The following CLXN variants were observed in gnomAD, a reference collection of about 807,000 sequenced individuals.
The protein encoded by CLXN is EF-hand calcium binding domain 1.
At chr8:48,722,239 C>G in the CLXN span, among the ~76,000 whole-genome samples, 3 of 152,148 alleles carry the variant, frequency 2.0e-5, no homozygotes, top group East Asian at 5.8e-4. Context: ...AATCAGATAT[C>G]CCCTCTTACA....
the CLXN span, among the ~76,000 whole-genome samples, chr8:48,729,554 G>T: frequency 6.6e-6 from 1 of 151,834 alleles, no homozygotes; most frequent in South Asian, 2.1e-4. Context: ...AAAATAAGAG[G>T]TTAGGTGGTG....
At chr8:48,720,834 T>C in the CLXN span, among the ~76,000 whole-genome samples, 4 of 152,222 alleles carry the variant, frequency 2.6e-5, no homozygotes, top group Non-Finnish European at 2.9e-5. Flanking sequence ...GTCCTACCAA[T>C]ATGTGATGTC....
chr8:48,724,477 T>G, the CLXN span: 1 of 287,950 alleles, frequency 3.5e-6, no homozygotes, highest in Non-Finnish European at 6.4e-6. Context: ...ATGCCAGTTA[T>G]GTGCTTCGAC....
the CLXN span, among the ~76,000 whole-genome samples, chr8:48,733,549 A>G: frequency 9.9e-5 from 15 of 152,238 alleles, no homozygotes; most frequent in African/African-American, 3.1e-4. Context: ...TCTTGCAACT[A>G]AAACAAAATT....
the CLXN span, chr8:48,735,203 A>C: frequency 6.2e-7 from 1 of 1,605,282 alleles, no homozygotes; most frequent in Non-Finnish European, 8.5e-7. Context: ...GCGCGCGGCT[A>C]CCGAGACCCT....
At chr8:48,722,395 A>T in the CLXN span, among the ~76,000 whole-genome samples, 1 of 152,242 alleles carries the variant, frequency 6.6e-6, no homozygotes, top group Non-Finnish European at 1.5e-5. Context: ...TAAAAGTGGG[A>T]CTACCATTTG....
At chr8:48,730,888 A>G in the CLXN span, among the ~76,000 whole-genome samples, 3 of 152,156 alleles carry the variant, frequency 2.0e-5, no homozygotes, top group African/African-American at 7.2e-5. Context: ...TATATTAATC[A>G]TTATTTAATA....
chr8:48,725,319 G>C, the CLXN span, among the ~76,000 whole-genome samples: 1 of 152,212 alleles, frequency 6.6e-6, no homozygotes, highest in African/African-American at 2.4e-5. Context: ...GGGGTAGATA[G>C]GAAGAAGTGA....
At chr8:48,728,733 TG>T in the CLXN span, among the ~76,000 whole-genome samples, 1 of 152,226 alleles carries the variant, frequency 6.6e-6, no homozygotes. Flanking sequence ...ATCATACTCT[TG>T]TGTAATTATT....
the CLXN span, chr8:48,716,044 T>C: frequency 6.6e-6 from 1 of 152,336 alleles, no homozygotes; most frequent in Non-Finnish European, 1.5e-5. Flanking sequence ...TCGGGGAGGT[T>C]CGGGCAGAGC....
chr8:48,730,726 T>G, the CLXN span: 1 of 722,644 alleles, frequency 1.4e-6, no homozygotes, highest in South Asian at 2.3e-5. Flanking sequence ...CACTCACTTT[T>G]AAAATTAAGA....
At chr8:48,711,981 A>G in the CLXN span, 1 of 152,246 alleles carries the variant, frequency 6.6e-6, no homozygotes, top group African/African-American at 2.4e-5. Flanking sequence ...TTAGATTTTC[A>G]TATCATGTAT....
At chr8:48,728,356 C>T in the CLXN span, among the ~76,000 whole-genome samples, 1 of 152,146 alleles carries the variant, frequency 6.6e-6, no homozygotes, top group African/African-American at 2.4e-5. Context: ...CCCCATCTGA[C>T]CTGGCTATTT....
chr8:48,729,136 T>A, the CLXN span: 2 of 1,612,864 alleles, frequency 1.2e-6, no homozygotes, highest in South Asian at 2.2e-5. Context: ...CTTCCCATCA[T>A]GGTCATGATC....
chr8:48,733,012 G>A, the CLXN span, among the ~76,000 whole-genome samples: 8 of 152,110 alleles, frequency 5.3e-5, no homozygotes, highest in Non-Finnish European at 1.2e-4. Flanking sequence ...AAGTTACGGA[G>A]GTGGATGGTG....
At chr8:48,730,182 A>G in the CLXN span, 6 of 309,996 alleles carry the variant, frequency 1.9e-5, no homozygotes, top group Non-Finnish European at 3.6e-5. Context: ...AGAGTTAATT[A>G]AGAATAAGAA....
At chr8:48,711,106 A>G in the CLXN span, 1 of 152,328 alleles carries the variant, frequency 6.6e-6, no homozygotes, top group Admixed American at 6.5e-5. Context: ...TCTGGTACAA[A>G]TCCCAGCTCT....
At chr8:48,715,468 C>T in the CLXN span, 1 of 152,174 alleles carries the variant, frequency 6.6e-6, no homozygotes, top group African/African-American at 2.4e-5. Flanking sequence ...TCTGCATCAC[C>T]TCATCTTCTA....
chr8:48,716,996 T>G, the CLXN span, among the ~76,000 whole-genome samples: 1,959 of 152,084 alleles, frequency 0.013, 42 homozygotes, highest in African/African-American at 0.045. Context: ...AGAAACCCCA[T>G]CTCTACTAAA....
Sources: allele counts gnomAD v4.1 joint callset (sites outside exome capture counted in the v4.1 genomes callset), GRCh38; gene constraint gnomAD v4.1.1; transcripts MANE v1.5; gene names NCBI Gene and HGNC (gene_info 2026-07-23, HGNC 2026-07-21).